LRRC49: variants seen among roughly 807,000 people sequenced by gnomAD.
LRRC49 encodes leucine rich repeat containing 49, also known as leucine-rich repeat-containing protein 49.
A neutral mutation model predicts 83.3 loss-of-function variants in LRRC49; 50 were observed. The observed-to-expected ratio is 0.60, with a 90% confidence interval of 0.48 to 0.76. The LOEUF (loss-of-function observed/expected upper bound fraction) is 0.76. Among genes scored for constraint, LRRC49 ranks in the 30% least tolerant of loss-of-function variants. The probability of loss-of-function intolerance (pLI) is 0.00; values close to 1 mark genes in which losing one functional copy is unlikely to be tolerated. For missense variants in LRRC49, 704 were observed against 809.1 expected, an observed-to-expected ratio of 0.87 and a Z score of 1.58; for synonymous variants, 286 against 283.3, an observed-to-expected ratio of 1.01 and a Z score of -0.10.
intron 1 of LRRC49, among the ~76,000 whole-genome samples, chr15:70,855,005 A>G (rs1247835792): frequency 1.3e-5 from 2 of 152,154 alleles, no homozygotes; most frequent in African/African-American, 4.8e-5. Context: ...CACCTCTCCA[A>G]ATGTGACCCA....
intron 6 of LRRC49, among the ~76,000 whole-genome samples, chr15:70,913,386 C>T (rs1432405243): frequency 6.6e-6 from 1 of 152,078 alleles, no homozygotes; most frequent in Non-Finnish European, 1.5e-5. Context: ...TCTGTGTGTG[C>T]ATGTAGTAAG....
intron 1 of LRRC49, among the ~76,000 whole-genome samples, chr15:70,869,895 A>G (rs2032991877): frequency 6.6e-6 from 1 of 152,020 alleles, no homozygotes; most frequent in African/African-American, 2.4e-5. Flanking sequence ...AGCTTCCCAC[A>G]CTGAGTTTAT....
At chr15:70,892,376 T>C, upstream of LRRC49, 1 of 1,546,604 alleles carries the variant, frequency 6.5e-7, no homozygotes, top group African/African-American at 1.4e-5. Flanking sequence ...TCCTCACCTG[T>C]CCACTCCGGG....
At chr15:71,010,511 A>C (rs2038615895) in intron 13 of LRRC49, among the ~76,000 whole-genome samples, 1 of 151,920 alleles carries the variant, frequency 6.6e-6, no homozygotes, top group South Asian at 2.1e-4. Context: ...AGAAAGATAA[A>C]ATAAGAGAAA....
At chr15:70,866,555 G>A (rs1479942699) in intron 1 of LRRC49, among the ~76,000 whole-genome samples, 1 of 152,164 alleles carries the variant, frequency 6.6e-6, no homozygotes, top group Non-Finnish European at 1.5e-5. Flanking sequence ...CAAACATTCT[G>A]TGCAACTGTC....
chr15:70,917,142 A>G (rs1434456095), intron 6 of LRRC49, among the ~76,000 whole-genome samples: 1 of 152,168 alleles, frequency 6.6e-6, no homozygotes, highest in Non-Finnish European at 1.5e-5. Context: ...CAAGCATAGA[A>G]GGGAATCTGA....
chr15:70,918,966 G>A (rs985474364), intron 6 of LRRC49, 84 bp from the exon 7 acceptor site: 34 of 1,105,552 alleles, frequency 3.1e-5, no homozygotes, highest in Non-Finnish European at 4.1e-5. Context: ...TAGTGACTTC[G>A]AATATTTTAT....
chr15:70,892,702 C>T, upstream of LRRC49: 1 of 1,463,256 alleles, frequency 6.8e-7, no homozygotes, highest in Non-Finnish European at 9.0e-7. Context: ...ACTGGGCTCT[C>T]ACGAATACAA....
At chr15:71,040,822 A>G (rs907030926) in intron 15 of LRRC49, among the ~76,000 whole-genome samples, 3 of 146,592 alleles carry the variant, frequency 2.0e-5, no homozygotes, top group African/African-American at 7.7e-5. Flanking sequence ...TCCGTCTCAA[A>G]AAAAAAAAAA....
At chr15:70,981,891 CTTTTTTTTTTTTT>C (rs11339326) in intron 10 of LRRC49, among the ~76,000 whole-genome samples, 2 of 112,106 alleles carry the variant, frequency 1.8e-5, no homozygotes, top group East Asian at 5.1e-4. Context: ...TTTGCTTCTT[CTTTTTTTTTTTTT>C]TTTTTTTCCT....
intron 14 of LRRC49, among the ~76,000 whole-genome samples, chr15:71,027,742 T>G (rs2039221800): frequency 1.3e-5 from 2 of 152,208 alleles, no homozygotes; most frequent in African/African-American, 4.8e-5. Context: ...GGCTCTGTGC[T>G]TGTCTGTTGT....
At chr15:70,974,794 T>G (rs1224735440) in intron 9 of LRRC49, among the ~76,000 whole-genome samples, 1 of 151,882 alleles carries the variant, frequency 6.6e-6, no homozygotes, top group African/African-American at 2.4e-5. Flanking sequence ...CCTAAAATAT[T>G]TACCATACTA....
At chr15:70,905,955 A>G (rs1287594088) in intron 5 of LRRC49, among the ~76,000 whole-genome samples, 4 of 151,970 alleles carry the variant, frequency 2.6e-5, no homozygotes, top group Admixed American at 2.6e-4. Context: ...CCTCGGGGAG[A>G]AAGGTGAGAG....
intron 14 of LRRC49, among the ~76,000 whole-genome samples, chr15:71,015,966 G>T (rs574765204): frequency 6.6e-6 from 1 of 152,232 alleles, no homozygotes; most frequent in South Asian, 2.1e-4. Flanking sequence ...TATATGAAAC[G>T]GTTAAGGTGT....
intron 3 of LRRC49, among the ~76,000 whole-genome samples, chr15:70,897,195 C>T (rs563698408): frequency 1.1e-4 from 17 of 152,130 alleles, no homozygotes; most frequent in East Asian, 3.9e-4. Flanking sequence ...GATTTGAGGA[C>T]GGCTGGCCAG....
upstream of LRRC49, chr15:70,892,277 G>A (rs1398463350): frequency 2.6e-6 from 4 of 1,558,902 alleles, no homozygotes; most frequent in Middle Eastern, 1.7e-4. Flanking sequence ...CGGCATGGCG[G>A]CCGTCTTCGG....
At chr15:70,924,864 G>T (rs1422849977) in intron 7 of LRRC49, among the ~76,000 whole-genome samples, 1 of 151,904 alleles carries the variant, frequency 6.6e-6, no homozygotes, top group Admixed American at 6.6e-5. Flanking sequence ...CCAGACGTTT[G>T]AATATCATAT....
At chr15:70,859,758 C>T in intron 1 of LRRC49, 1 of 723,452 alleles carries the variant, frequency 1.4e-6, no homozygotes, top group East Asian at 2.8e-5. Context: ...GTTAAGGATG[C>T]CAACGCCAAG....
rs1409164514 is a variant in LRRC49 at position 71,049,627 on chromosome 15, TA to T, written c.*16del. ...ACCAAAAATAAAAATGGCCTTTAGT[TA>T]CAGTTGATTTTGGCAGTTTTATTTT... On this transcript the variant is annotated 3_prime_UTR_variant, in exon 16 of 16. Coordinates refer to ENST00000260382, the MANE Select transcript of LRRC49 (RefSeq NM_017691.5). 1 of 1,575,918 alleles carries T rather than the reference TA, an allele frequency of 6.3e-7. No individual in the cohort carries two copies. Among genetic ancestry groups the T allele is most frequent in the Non-Finnish European group, 8.6e-7 (1 of 1,156,154 alleles).
Sources: allele counts gnomAD v4.1 joint callset (sites outside exome capture counted in the v4.1 genomes callset), GRCh38; gene constraint gnomAD v4.1.1; transcripts MANE v1.5; gene names NCBI Gene and HGNC (gene_info 2026-07-23, HGNC 2026-07-21).